The following MED13 variants were observed in gnomAD, a reference collection of about 807,000 sequenced individuals.
MED13 encodes the protein mediator complex subunit 13, also known as mediator of RNA polymerase II transcription subunit 13.
Under a neutral mutation model 225.2 loss-of-function variants are expected in MED13, and 23 were observed. That is an observed-to-expected ratio of 0.10 (90% confidence interval 0.07 to 0.14). The LOEUF (loss-of-function observed/expected upper bound fraction) is 0.14. Among genes scored for constraint, MED13 ranks in the 10% least tolerant of loss-of-function variants. The pLI is 1.00. For synonymous variants in MED13, 942 were observed against 889.2 expected (o/e 1.06, Z -1.06); for missense variants, 2,197 against 2,594.5 (o/e 0.85, Z 3.33).
Position 62,059,262 on chromosome 17 carries a change from G to A in MED13, c.301+3805C>T, listed in dbSNP as rs190873801. Among the ~76,000 whole-genome samples the A allele has an allele frequency of 7.9e-5, 12 of 152,226 alleles. No individual in the cohort carries two copies. In the East Asian group the frequency reaches 2.1e-3, roughly 27 times the overall value. On this transcript the variant is annotated intron_variant, in intron 2 of 29. Transcript: ENST00000397786. The stretch of plus-strand genomic sequence containing the variant: ...TTAAAAATACACTGCATGACACAAA[G>A]GAGCTAAGGGGGTTAAACAAAGGCA...
intron 1 of MED13, 68 bp from the exon 2 acceptor site, chr17:62,063,369 T>C: frequency 1.0e-6 from 1 of 980,638 alleles, no homozygotes. Context: ...CTCAATATGA[T>C]GTCTCTTATT....
Position 61,982,779 on chromosome 17 carries a change from A to C in MED13, c.3224T>G (p.Leu1075Arg). ...IPEAHSLYVN[L>R]ILSESVMNLF... The stretch of plus-strand genomic sequence containing the variant: ...ATTCATAACTGATTCTGAAAGGATG[A>C]GGTTTACATAAAGACTGTGTGCTTC... The change falls in exon 16 of 30, where the codon CTC becomes CGC. Residue 1075 changes from leucine (L) to arginine (R), a missense_variant. Coordinates refer to ENST00000397786, the MANE Select transcript of MED13 (RefSeq NM_005121.3). 6.2e-7 allele frequency: 1 copy of C among 1,614,212 alleles called. No homozygotes were observed. The highest frequency in any genetic ancestry group is 8.5e-7 in the Non-Finnish European group (1 of 1,180,026).
intron 3 of MED13, among the ~76,000 whole-genome samples, chr17:62,051,843 C>T (rs755545941): frequency 1.3e-5 from 2 of 152,196 alleles, no homozygotes; most frequent in Non-Finnish European, 2.9e-5. Flanking sequence ...GTCTCACTAA[C>T]TCAATGACTG....
Position 61,956,410 on chromosome 17 carries a change from A to G in MED13, c.5552T>C (p.Val1851Ala). 2 of 1,614,004 alleles carry G rather than the reference A, an allele frequency of 1.2e-6. No individual in the cohort carries two copies. Among genetic ancestry groups the G allele is most frequent in the Non-Finnish European group, 1.7e-6 (2 of 1,179,892 alleles). Residue 1851 changes from valine (V) to alanine (A), a missense_variant, in exon 24 of 30, where the codon GTA (valine) becomes GCA (alanine). This residue lies in a region of MED13 where 78 missense variants were observed against 82.1 expected (regional missense o/e 0.95). Coordinates refer to ENST00000397786, the MANE Select transcript of MED13 (RefSeq NM_005121.3). The part of the protein sequence containing the change: ...QKLWEWCLGL[V>A]QMSSLPWRVV... Reference sequence around the variant, plus strand: ...TCTCCATGGCAATGAACTCATTTGTACAAGTCCTAAGCACCACTCCCAAAG... The same window carrying G: ...TCTCCATGGCAATGAACTCATTTGTGCAAGTCCTAAGCACCACTCCCAAAG...
intron 9 of MED13, among the ~76,000 whole-genome samples, chr17:62,009,148 G>GT (rs1461349272): frequency 6.6e-6 from 1 of 152,100 alleles, no homozygotes; most frequent in African/African-American, 2.4e-5. Context: ...GAGCATAATG[G>GT]TATTTTACTG....
chr17:62,007,805 G>A lies in MED13; in HGVS notation c.1967+2745C>T, dbSNP rs1275291817. 4.6e-5 allele frequency among the ~76,000 whole-genome samples: 7 copies of A among 152,126 alleles called. No homozygotes were observed. The East Asian group carries it at 1.4e-3, about 30-fold the overall frequency. On this transcript the variant is annotated intron_variant, in intron 9 of 29. Coordinates refer to ENST00000397786, the MANE Select transcript of MED13 (RefSeq NM_005121.3). ...GGAACTTGCAGTGAGCCAAGATCGC[G>A]CCACTTCACTCCAGCCTGGGCGAGA...
intron 4 of MED13, among the ~76,000 whole-genome samples, chr17:62,034,627 T>C (rs995404439): frequency 1.3e-5 from 2 of 151,930 alleles, no homozygotes; most frequent in Non-Finnish European, 2.9e-5. Flanking sequence ...GGAAAAACAA[T>C]ATAGATATAT....
intron 3 of MED13, among the ~76,000 whole-genome samples, chr17:62,036,209 C>T (rs1397303273): frequency 6.6e-6 from 1 of 151,578 alleles, no homozygotes; most frequent in Non-Finnish European, 1.5e-5. Flanking sequence ...ATATAAGAAA[C>T]TATAAATGTT....
chr17:61,964,719 TG>T (rs1218550482), intron 20 of MED13, among the ~76,000 whole-genome samples: 9 of 152,196 alleles, frequency 5.9e-5, no homozygotes, highest in African/African-American at 1.9e-4. Context: ...GTGGATCACC[TG>T]AGGTCAGAAG....
At chr17:62,037,013 C>T (rs749693027) in intron 3 of MED13, 13 of 152,124 alleles carry the variant, frequency 8.5e-5, no homozygotes, top group Non-Finnish European at 1.8e-4. Context: ...AATCCCAGCA[C>T]TTGGAAGGCA....
chr17:62,029,765 CAA>C, intron 7 of MED13, 84 bp downstream of exon 7: 1 of 1,514,434 alleles, frequency 6.6e-7, no homozygotes, highest in Non-Finnish European at 8.9e-7. Flanking sequence ...AAAAATCAAA[CAA>C]ATGACTGTTT....
intron 10 of MED13, 36 bp from the exon 11 acceptor site, chr17:61,992,657 T>C (rs376936105): frequency 6.2e-5 from 89 of 1,428,436 alleles, no homozygotes; most frequent in Non-Finnish European, 8.1e-5. Flanking sequence ...CTGAAATATA[T>C]AATTTACCAA....
In MED13 at chr17:62,033,886, A is replaced by C; in HGVS notation, c.715T>G (p.Phe239Val). Residue 239 changes from phenylalanine (F) to valine (V), a missense_variant, in exon 5 of 30, where the codon TTC (phenylalanine) becomes GTC (valine). Phe to Val is a conservative substitution (Grantham distance 50). Transcript: ENST00000397786. ...TTCAAGCAACATGAGATAGGATAGA[A>C]CTGTTTCCATTCACCAATTAATTTT... is the stretch of plus-strand genomic sequence containing the variant. ...TKKLIGEWKQFYPISCCLKEM... is the reference protein window; with the variant it reads ...TKKLIGEWKQVYPISCCLKEM... The C allele has an allele frequency of 2.5e-6, 4 of 1,614,138 alleles. No homozygotes were observed. The highest frequency in any genetic ancestry group is 3.4e-6 in the Non-Finnish European group (4 of 1,179,992).
chr17:62,046,235 A>C (rs2080896670), intron 3 of MED13, among the ~76,000 whole-genome samples: 1 of 152,238 alleles, frequency 6.6e-6, no homozygotes, highest in African/African-American at 2.4e-5. Context: ...ACTTAAAGAT[A>C]GACTTAGCTG....
At chr17:62,029,514 G>A (rs1304021108) in intron 8 of MED13, 27 bp downstream of exon 8, 5 of 1,518,902 alleles carry the variant, frequency 3.3e-6, no homozygotes, top group Non-Finnish European at 4.6e-6. Flanking sequence ...TCACACATAG[G>A]CATCAATCGA....
At chr17:61,947,700 C>T (rs1288453889) in intron 28 of MED13, among the ~76,000 whole-genome samples, 3 of 152,154 alleles carry the variant, frequency 2.0e-5, no homozygotes, top group Non-Finnish European at 2.9e-5. Flanking sequence ...GCCTGCTTTG[C>T]CCACTCAATT....
chr17:62,041,502 C>T (rs2080852191), intron 3 of MED13, among the ~76,000 whole-genome samples: 3 of 152,164 alleles, frequency 2.0e-5, no homozygotes, highest in African/African-American at 7.2e-5. Context: ...GTACTTAATG[C>T]CACTGAACTG....
At chr17:62,040,420 AAAT>A (rs1341642880) in intron 3 of MED13, among the ~76,000 whole-genome samples, 1 of 152,222 alleles carries the variant, frequency 6.6e-6, no homozygotes, top group East Asian at 1.9e-4. Flanking sequence ...AAAGTTCCTC[AAAT>A]TAAGTACTGA....
chr17:61,968,915 C>G (rs74655346), intron 17 of MED13, among the ~76,000 whole-genome samples: 24,383 of 151,976 alleles, frequency 0.16, 2,399 homozygotes, highest in East Asian at 0.5. Flanking sequence ...CTATGCTTAG[C>G]TAATTTTTAA....
Sources: allele counts gnomAD v4.1 joint callset (sites outside exome capture counted in the v4.1 genomes callset), GRCh38; gene constraint gnomAD v4.1.1; regional missense constraint gnomAD v4.1.1; transcripts MANE v1.5; gene names NCBI Gene and HGNC (gene_info 2026-07-23, HGNC 2026-07-21).